Variants in KIZ observed in about 807,000 individuals in gnomAD.
The protein encoded by KIZ is kizuna centrosomal protein, also known as centrosomal protein kizuna.
Under a neutral mutation model 79.6 loss-of-function variants are expected in KIZ, and 68 were observed. That is an observed-to-expected ratio of 0.85 (90% CI 0.70 to 1.05). The LOEUF (loss-of-function observed/expected upper bound fraction) is 1.05. Among genes scored for constraint, KIZ ranks in the 50% least tolerant of loss-of-function variants. The pLI is 0.00. For synonymous variants in KIZ, 280 were observed against 281.8 expected (o/e 0.99, Z 0.06); for missense variants, 797 against 800.4 (o/e 1.00, Z 0.05).
intron 6 of KIZ, chr20:21,202,384 CCAAAT>C (rs1231073117): frequency 1.3e-5 from 2 of 152,144 alleles, no homozygotes; most frequent in Non-Finnish European, 2.9e-5. Flanking sequence ...TGTTAAGAAA[CCAAAT>C]ATAGATGCAA....
chr20:21,154,946 A>G (rs774387906), intron 4 of KIZ, among the ~76,000 whole-genome samples: 3 of 152,242 alleles, frequency 2.0e-5, no homozygotes, highest in Non-Finnish European at 4.4e-5. Context: ...CACTGGAGCC[A>G]GTATTTTACG....
intron 2 of KIZ, among the ~76,000 whole-genome samples, chr20:21,133,347 GC>G (rs535048501): frequency 5.3e-4 from 80 of 152,352 alleles, no homozygotes; most frequent in Non-Finnish European, 9.0e-4. Context: ...GGAAGAAATA[GC>G]CAGCATTGTG....
intron 5 of KIZ, 52 bp downstream of exon 5, chr20:21,162,559 T>C (rs2033727994): frequency 3.6e-6 from 5 of 1,382,074 alleles, no homozygotes; most frequent in Non-Finnish European, 5.0e-6. Context: ...GGTAGTGATC[T>C]TATGTAAGGA....
At chr20:21,222,434 GT>G (rs2036529593) in intron 9 of KIZ, among the ~76,000 whole-genome samples, 1 of 152,160 alleles carries the variant, frequency 6.6e-6, no homozygotes, top group Non-Finnish European at 1.5e-5. Flanking sequence ...TGGAGCAGGG[GT>G]CTCAGTTCAA....
chr20:21,172,814 A>T (rs2034269498), intron 6 of KIZ, among the ~76,000 whole-genome samples: 1 of 152,084 alleles, frequency 6.6e-6, no homozygotes, highest in African/African-American at 2.4e-5. Context: ...CATCTTTTAG[A>T]CTGGTTTATG....
In KIZ at chr20:21,129,563, C is replaced by T. The variant is rs191833294; in HGVS notation, c.90-2534C>T. 7.4e-3 allele frequency among the ~76,000 whole-genome samples: 1,127 copies of T among 152,116 alleles called. 12 individuals are homozygous for T. The highest frequency in any genetic ancestry group is 0.014 in the Middle Eastern group (4 of 294). ...CAGCCTGGCCAACATGGCAAAACCC[C>T]GTCTCTACTAAAAATACAAAAATTA... is the stretch of plus-strand genomic sequence containing the variant. On this transcript the variant is annotated intron_variant, in intron 1 of 12. Coordinates refer to ENST00000619189, the MANE Select transcript of KIZ (RefSeq NM_018474.6).
intron 12 of KIZ, chr20:21,244,609 C>T (rs1347255055): frequency 3.3e-6 from 1 of 304,900 alleles, no homozygotes; most frequent in Non-Finnish European, 6.0e-6. Flanking sequence ...TGCCTCTCTC[C>T]TCATCCTCAG....
chr20:21,126,614 G>T (rs757144941), intron 1 of KIZ, among the ~76,000 whole-genome samples: 2 of 152,120 alleles, frequency 1.3e-5, no homozygotes, highest in Non-Finnish European at 2.9e-5. Context: ...CAGCTGCACT[G>T]CATCAATGAT....
Position 21,132,141 on chromosome 20 carries a change from A to G in KIZ, c.134A>G (p.Asn45Ser). ...LDLEKKLYEY[N>S]QSDTCRVKLK... ...CTGGAAAAGAAACTTTATGAATATA[A>G]TCAGTCTGATACATGCAGGTAAGAG... The change falls in exon 2 of 13, where the codon AAT (asparagine) becomes AGT (serine). Residue 45 changes from asparagine (N) to serine (S), a missense_variant. By Grantham distance (46) the Asn-to-Ser change is conservative (BLOSUM62 1). Transcript: ENST00000619189. The G allele has an allele frequency of 6.8e-7, 1 of 1,471,548 alleles. No homozygotes were observed. Among genetic ancestry groups the G allele is most frequent in the Non-Finnish European group, 9.3e-7 (1 of 1,080,126 alleles). 91.2% of individuals were successfully genotyped at this position (1,471,548 alleles called of 1,614,324 possible).
intron 6 of KIZ, among the ~76,000 whole-genome samples, chr20:21,205,232 G>A (rs756811405): frequency 1.3e-5 from 2 of 152,114 alleles, no homozygotes; most frequent in Non-Finnish European, 2.9e-5. Context: ...GTGGCCCCAG[G>A]CACCCAGATT....
chr20:21,154,777 A>G (rs1164937579), intron 4 of KIZ, among the ~76,000 whole-genome samples: 1 of 152,234 alleles, frequency 6.6e-6, no homozygotes, highest in Non-Finnish European at 1.5e-5. Flanking sequence ...CTTTGAGAAG[A>G]CACATAATAG....
chr20:21,130,062 G>A (rs766149964), intron 1 of KIZ, among the ~76,000 whole-genome samples: 32 of 152,154 alleles, frequency 2.1e-4, no homozygotes, highest in Non-Finnish European at 4.1e-4. Context: ...AAACCAGTCC[G>A]CAGACTGCAT....
intron 11 of KIZ, among the ~76,000 whole-genome samples, chr20:21,238,145 C>T (rs942685057): frequency 5.9e-5 from 9 of 152,062 alleles, no homozygotes; most frequent in Non-Finnish European, 1.0e-4. Context: ...TTCTTAATCA[C>T]CAGTGCTGGA....
intron 1 of KIZ, among the ~76,000 whole-genome samples, chr20:21,128,809 T>C (rs370449672): frequency 4.0e-4 from 61 of 152,346 alleles, no homozygotes; most frequent in African/African-American, 1.5e-3. Context: ...CCTATATTGA[T>C]TCAGAGTAAG....
chr20:21,209,172 C>T (rs2035960416), intron 7 of KIZ, among the ~76,000 whole-genome samples: 1 of 152,168 alleles, frequency 6.6e-6, no homozygotes, highest in Admixed American at 6.5e-5. Flanking sequence ...TGAGTAAATA[C>T]ATCATCAAAG....
At chr20:21,149,457 A>G (rs1187280622) in intron 4 of KIZ, among the ~76,000 whole-genome samples, 1 of 152,212 alleles carries the variant, frequency 6.6e-6, no homozygotes, top group Non-Finnish European at 1.5e-5. Context: ...TTTGTTGGGC[A>G]GAAGAAATGC....
At chr20:21,131,621 T>TA (rs1412489668) in intron 1 of KIZ, among the ~76,000 whole-genome samples, 1 of 152,146 alleles carries the variant, frequency 6.6e-6, no homozygotes, top group Non-Finnish European at 1.5e-5. Context: ...TTTATATACT[T>TA]ATCTTGTTTA....
chr20:21,208,578 C>T (rs1315797259), intron 7 of KIZ, among the ~76,000 whole-genome samples: 1 of 152,094 alleles, frequency 6.6e-6, no homozygotes, highest in Non-Finnish European at 1.5e-5. Context: ...TGGCGGGCGC[C>T]TGTAGTCCCA....
intron 10 of KIZ, among the ~76,000 whole-genome samples, chr20:21,229,460 G>A (rs1321670903): frequency 7.9e-5 from 12 of 152,270 alleles, no homozygotes; most frequent in African/African-American, 2.9e-4. Context: ...TCAGTGGGCA[G>A]TGTTGTACTG....
Sources: gnomAD v4.1 joint callset for allele counts (sites outside exome capture counted in the v4.1 genomes callset) on GRCh38, gnomAD v4.1.1 for gene constraint, MANE v1.5 for transcripts, NCBI Gene and HGNC (gene_info 2026-07-23, HGNC 2026-07-21) for gene names.